Variants in ZNF536 observed in about 807,000 individuals in gnomAD.
The protein encoded by ZNF536 is zinc finger protein 536.
In ZNF536, 13 loss-of-function variants were observed where a neutral mutation model predicts 84.5. The observed-to-expected ratio is 0.15, with a 90% confidence interval of 0.10 to 0.24. ZNF536 has a LOEUF of 0.24. Ranked by LOEUF, ZNF536 falls within the 10% of genes least tolerant of loss-of-function variation. ZNF536 has a pLI of 1.00. For synonymous variants in ZNF536, 811 were observed against 742.5 expected, an observed-to-expected ratio of 1.09 and a Z score of -1.50; for missense variants, 1,536 against 1,747.5, an observed-to-expected ratio of 0.88 and a Z score of 2.16.
At chr19:30,276,325 T>A (rs2026129640) in intron 1 of ZNF536, among the ~76,000 whole-genome samples, 1 of 152,186 alleles carries the variant, frequency 6.6e-6, no homozygotes, top group South Asian at 2.1e-4. Flanking sequence ...ACTTGGAATT[T>A]CTTGGCAAGG....
intron 2 of ZNF536, among the ~76,000 whole-genome samples, chr19:30,495,914 T>C (rs1018386951): frequency 6.6e-6 from 1 of 152,208 alleles, no homozygotes; most frequent in Non-Finnish European, 1.5e-5. Context: ...GCAGTGGATC[T>C]TATCTTTGTC....
chr19:30,457,466 G>A (rs534601570), intron 2 of ZNF536, among the ~76,000 whole-genome samples: 1 of 152,354 alleles, frequency 6.6e-6, no homozygotes, highest in East Asian at 1.9e-4. Flanking sequence ...CCCAGGCTGG[G>A]AAGGGAGGGA....
intron 2 of ZNF536, among the ~76,000 whole-genome samples, chr19:30,477,083 C>T (rs746250935): frequency 6.6e-6 from 1 of 152,248 alleles, no homozygotes; most frequent in South Asian, 2.1e-4. Context: ...GCCATGGTAA[C>T]TAGCCTATAT....
chr19:30,318,205 G>A (rs555460525), intron 2 of ZNF536, among the ~76,000 whole-genome samples: 1 of 152,348 alleles, frequency 6.6e-6, no homozygotes, highest in Non-Finnish European at 1.5e-5. Context: ...ACTGCATGAG[G>A]TTCAGTTGCA....
At chr19:30,261,148 A>C (rs1599931113) in intron 1 of ZNF536, among the ~76,000 whole-genome samples, 3 of 151,370 alleles carry the variant, frequency 2.0e-5, no homozygotes, top group African/African-American at 7.3e-5. Flanking sequence ...AATACAAAAA[A>C]TTAGCCGGGC....
chr19:30,263,107 G>C (rs1018343436), intron 1 of ZNF536, among the ~76,000 whole-genome samples: 2 of 152,146 alleles, frequency 1.3e-5, no homozygotes, highest in African/African-American at 2.4e-5. Context: ...AAGGAGGTGG[G>C]AGGAGGGCTG....
At chr19:30,628,430 CTTT>C (rs35554742) in intron 1 of ZNF536, among the ~76,000 whole-genome samples, 1 of 139,342 alleles carries the variant, frequency 7.2e-6, no homozygotes, top group African/African-American at 2.7e-5. Flanking sequence ...CCAGTAGTCA[CTTT>C]TTTTTTTTTT....
chr19:30,301,159 T>C (rs556725507), intron 2 of ZNF536, among the ~76,000 whole-genome samples: 1 of 152,342 alleles, frequency 6.6e-6, no homozygotes, highest in East Asian at 1.9e-4. Context: ...GACGTTTTCA[T>C]AGGCTCTGGG....
intron 2 of ZNF536, among the ~76,000 whole-genome samples, chr19:30,446,731 T>C (rs1264368528): frequency 2.0e-5 from 3 of 151,968 alleles, no homozygotes. Flanking sequence ...CTTTGGGGTC[T>C]AAAATAGCAA....
intron 2 of ZNF536, among the ~76,000 whole-genome samples, chr19:30,519,914 C>T (rs1042728463): frequency 3.3e-5 from 5 of 152,202 alleles, no homozygotes; most frequent in Non-Finnish European, 7.3e-5. Context: ...ACGCTCAGTG[C>T]AAACTCTGAG....
chr19:30,429,955 T>C (rs1044224692), intron 1 of ZNF536, among the ~76,000 whole-genome samples: 1 of 151,176 alleles, frequency 6.6e-6, no homozygotes, highest in African/African-American at 2.4e-5. Context: ...CCCCAGGAGG[T>C]CCTGGATAAG....
At chr19:30,543,018 C>T (rs907436920) in intron 3 of ZNF536, among the ~76,000 whole-genome samples, 1 of 152,142 alleles carries the variant, frequency 6.6e-6, no homozygotes, top group African/African-American at 2.4e-5. Context: ...CCCTGTGTTG[C>T]CCATGCTGGT....
intron 1 of ZNF536, among the ~76,000 whole-genome samples, chr19:30,283,272 G>A (rs2045514715): frequency 6.6e-6 from 1 of 152,148 alleles, no homozygotes; most frequent in Admixed American, 6.5e-5. Context: ...AATCCAAATT[G>A]CACTGGGTGA....
intron 2 of ZNF536, among the ~76,000 whole-genome samples, chr19:30,465,685 C>T (rs574497170): frequency 6.6e-6 from 1 of 152,106 alleles, no homozygotes; most frequent in South Asian, 2.1e-4. Flanking sequence ...GAGCCCAGGA[C>T]TTTAAGACCA....
chr19:30,572,067 A>T (rs1251568068), intron 1 of ZNF536, among the ~76,000 whole-genome samples: 1 of 152,172 alleles, frequency 6.6e-6, no homozygotes, highest in Non-Finnish European at 1.5e-5. Context: ...GGCCACTTGG[A>T]AACATGGGTA....
chr19:30,581,946 A>G (rs1170402329), intron 1 of ZNF536, among the ~76,000 whole-genome samples: 1 of 152,192 alleles, frequency 6.6e-6, no homozygotes, highest in African/African-American at 2.4e-5. Flanking sequence ...TGTGTAAAAC[A>G]AAACAAAAAC....
At chr19:30,413,884 G>T (rs1205496501) in intron 1 of ZNF536, among the ~76,000 whole-genome samples, 1 of 151,984 alleles carries the variant, frequency 6.6e-6, no homozygotes, top group Non-Finnish European at 1.5e-5. Context: ...GAGGTCAGGA[G>T]TTCGAGACCA....
At position 30,352,270 on chromosome 19, in the gene ZNF536, T is replaced by C. The variant is rs564932757; in HGVS notation, c.-119-98T>C. The C allele has an allele frequency of 7.9e-5, 12 of 152,388 alleles. No homozygotes were observed. The South Asian group carries it at 2.3e-3, about 29-fold the overall frequency. 9.4% of individuals were successfully genotyped at this position (152,388 alleles called of 1,614,324 possible). A position where few individuals can be genotyped will look rare whatever the true frequency, so the allele number is the denominator to read the frequency against. Reference sequence around the variant, plus strand: ...GGATTTGATTTCATCTTTAACCTTTTCCGTTGAATTTCCTTGACCTCTGCA... The same window carrying C: ...GGATTTGATTTCATCTTTAACCTTTCCCGTTGAATTTCCTTGACCTCTGCA... On this transcript the variant is annotated intron_variant, in intron 2 of 5. Coordinates refer to the ZNF536 transcript ENST00000585628.
intron 1 of ZNF536, among the ~76,000 whole-genome samples, chr19:30,229,906 A>G (rs2022907609): frequency 6.6e-6 from 1 of 152,172 alleles, no homozygotes; most frequent in African/African-American, 2.4e-5. Context: ...CCAGACACTG[A>G]CATACATGAC....
Sources: allele counts gnomAD v4.1 joint callset (sites outside exome capture counted in the v4.1 genomes callset), GRCh38; gene constraint gnomAD v4.1.1; transcripts MANE v1.5; gene names NCBI Gene and HGNC (gene_info 2026-07-23, HGNC 2026-07-21).